PSD3: variants seen among roughly 807,000 people sequenced by gnomAD.
The protein encoded by PSD3 is pleckstrin and Sec7 domain containing 3.
PSD3 carries 49 observed loss-of-function variants against 105.5 expected under a neutral mutation model. The observed-to-expected ratio is 0.46, with a 90% CI of 0.37 to 0.59. The LOEUF (loss-of-function observed/expected upper bound fraction) is 0.59, where lower values mean the gene tolerates loss of function less well. Among genes scored for constraint, PSD3 ranks in the 20% least tolerant of loss-of-function variants. The probability of loss-of-function intolerance (pLI) is 0.00; values close to 1 mark genes in which losing one functional copy is unlikely to be tolerated. For synonymous variants in PSD3, 557 were observed against 457.8 expected, an observed-to-expected ratio of 1.22 and a Z score of -2.77; for missense variants, 1,561 against 1,263.8, an observed-to-expected ratio of 1.24 and a Z score of -3.57.
chr8:18,858,343 G>T (rs988662783), intron 4 of PSD3, among the ~76,000 whole-genome samples: 21 of 152,270 alleles, frequency 1.4e-4, no homozygotes, highest in Admixed American at 5.2e-4. Flanking sequence ...TGAGTACTCA[G>T]CAAGTCCTAA....
At chr8:18,862,960 C>T (rs1218815968) in intron 4 of PSD3, among the ~76,000 whole-genome samples, 2 of 151,812 alleles carry the variant, frequency 1.3e-5, no homozygotes, top group African/African-American at 4.8e-5. Flanking sequence ...TGAAGCGCTT[C>T]CCTCAGGCAG....
intron 4 of PSD3, among the ~76,000 whole-genome samples, chr8:18,821,717 A>ACCCC (rs1171283633): frequency 1.2e-4 from 17 of 141,220 alleles, no homozygotes; most frequent in South Asian, 2.3e-4. Flanking sequence ...ACACACACAC[A>ACCCC]CCCCAATAAC....
intron 4 of PSD3, among the ~76,000 whole-genome samples, chr8:18,867,443 T>C (rs1169081109): frequency 2.6e-5 from 4 of 152,194 alleles, no homozygotes; most frequent in Non-Finnish European, 2.9e-5. Context: ...AATTTATATA[T>C]AGTCATCCAG....
chr8:18,665,990 G>A (rs1484979622), intron 9 of PSD3, among the ~76,000 whole-genome samples: 1 of 152,202 alleles, frequency 6.6e-6, no homozygotes, highest in East Asian at 1.9e-4. Flanking sequence ...CCCTCCATAA[G>A]CAAAACGATG....
intron 13 of PSD3, among the ~76,000 whole-genome samples, chr8:18,573,894 A>T (rs1475553888): frequency 6.6e-6 from 1 of 152,138 alleles, no homozygotes; most frequent in Non-Finnish European, 1.5e-5. Context: ...TAAATATGCT[A>T]AAAAAATCAC....
intron 2 of PSD3, among the ~76,000 whole-genome samples, chr8:18,907,524 T>C (rs1563407257): frequency 6.6e-6 from 1 of 152,190 alleles, no homozygotes; most frequent in Non-Finnish European, 1.5e-5. Context: ...TGTTTAGATA[T>C]GTTTTGACAT....
chr8:18,967,535 C>T (rs1824352234), intron 1 of PSD3, among the ~76,000 whole-genome samples: 1 of 152,178 alleles, frequency 6.6e-6, no homozygotes, highest in Non-Finnish European at 1.5e-5. Context: ...TATTGACTCA[C>T]TTAACTATTT....
intron 9 of PSD3, among the ~76,000 whole-genome samples, chr8:18,715,259 T>G (rs1366426569): frequency 6.6e-6 from 1 of 152,164 alleles, no homozygotes; most frequent in African/African-American, 2.4e-5. Flanking sequence ...CTGCACATCC[T>G]GCACATGTAA....
chr8:19,043,135 C>A (rs983776240), intron 1 of PSD3, among the ~76,000 whole-genome samples: 13 of 152,192 alleles, frequency 8.5e-5, no homozygotes, highest in Admixed American at 8.5e-4. Flanking sequence ...TTGAAGCCTA[C>A]TAACCAAGAG....
At chr8:18,759,049 A>T (rs1472968957) in intron 9 of PSD3, among the ~76,000 whole-genome samples, 1 of 145,510 alleles carries the variant, frequency 6.9e-6, no homozygotes, top group East Asian at 2.5e-4. Flanking sequence ...AAGCATACTG[A>T]TTTACATCCT....
At chr8:18,642,950 T>C (rs552736255) in intron 10 of PSD3, among the ~76,000 whole-genome samples, 8 of 152,314 alleles carry the variant, frequency 5.3e-5, no homozygotes, top group African/African-American at 1.9e-4. Flanking sequence ...ATCTTAAGTG[T>C]GAGCTCAGAT....
chr8:18,709,901 A>AAGAAT (rs1328314344), intron 9 of PSD3, among the ~76,000 whole-genome samples: 41 of 152,348 alleles, frequency 2.7e-4, no homozygotes, highest in Middle Eastern at 3.4e-3. Context: ...CAAAGAAAAA[A>AAGAAT]CACTGAAAAT....
chr8:18,675,001 C>T (rs576320760), intron 9 of PSD3, among the ~76,000 whole-genome samples: 2 of 150,784 alleles, frequency 1.3e-5, no homozygotes, highest in Admixed American at 6.6e-5. Flanking sequence ...ACCCTGTCTC[C>T]AATTTAAAAA....
chr8:18,614,400 T>A (rs969437212), intron 11 of PSD3, among the ~76,000 whole-genome samples: 1 of 118,576 alleles, frequency 8.4e-6, no homozygotes, highest in African/African-American at 3.3e-5. Context: ...ATTCAACAAA[T>A]ATTACCGGGA....
At chr8:18,715,090 T>G (rs955209545) in intron 9 of PSD3, among the ~76,000 whole-genome samples, 1 of 152,140 alleles carries the variant, frequency 6.6e-6, no homozygotes, top group Non-Finnish European at 1.5e-5. Context: ...GGAGAACCCG[T>G]GGACACAGGG....
intron 1 of PSD3, among the ~76,000 whole-genome samples, chr8:19,053,325 C>G (rs780612885): frequency 5.9e-5 from 9 of 152,120 alleles, no homozygotes; most frequent in Non-Finnish European, 1.3e-4. Flanking sequence ...CCCCTGCCCC[C>G]TGCTGCACAC....
intron 1 of PSD3, among the ~76,000 whole-genome samples, chr8:18,991,577 A>G (rs1825811058): frequency 6.6e-6 from 1 of 152,166 alleles, no homozygotes; most frequent in African/African-American, 2.4e-5. Flanking sequence ...GCATTTGTCA[A>G]TTTGGGACAC....
intron 8 of PSD3, among the ~76,000 whole-genome samples, chr8:18,779,680 T>C (rs79834494): frequency 0.034 from 5,196 of 152,294 alleles, 201 homozygotes; most frequent in East Asian, 0.14. Context: ...GTTTCTTATT[T>C]CTCCTTAAAT....
intron 2 of PSD3, among the ~76,000 whole-genome samples, chr8:18,874,275 C>A (rs1454533644): frequency 6.6e-6 from 1 of 151,896 alleles, no homozygotes; most frequent in Non-Finnish European, 1.5e-5. Flanking sequence ...GATTCTTCTG[C>A]CCCAGTCTCC....
Sources: gnomAD v4.1 joint callset for allele counts (sites outside exome capture counted in the v4.1 genomes callset) on GRCh38, gnomAD v4.1.1 for gene constraint, MANE v1.5 for transcripts, NCBI Gene and HGNC (gene_info 2026-07-23, HGNC 2026-07-21) for gene names.